CD2AP: variants seen among roughly 807,000 people sequenced by gnomAD.
CD2AP encodes the protein CD2 associated protein, also known as CD2-associated protein.
CD2AP carries 46 observed loss-of-function variants against 85.1 expected under a neutral mutation model. That is an observed-to-expected ratio of 0.54 (90% CI 0.43 to 0.69). The LOEUF is 0.69. Among genes scored for constraint, CD2AP ranks in the 30% least tolerant of loss-of-function variants. The probability of loss-of-function intolerance (pLI) is 0.00; values close to 1 mark genes in which losing one functional copy is unlikely to be tolerated. For missense variants in CD2AP, 769 were observed against 729.5 expected (o/e 1.05, Z -0.62); for synonymous variants, 255 against 252.9 (o/e 1.01, Z -0.08).
At position 47,599,166 on chromosome 6, in the gene CD2AP, C is replaced by T. The variant is rs1769034803; in HGVS notation, c.1275-135C>T. 12 of 635,860 alleles carry T rather than the reference C, an allele frequency of 1.9e-5. 1 individual carries two copies. The highest frequency in any genetic ancestry group is 2.8e-5 in the Non-Finnish European group (10 of 353,170). 39.4% of individuals were successfully genotyped at this position (635,860 alleles called of 1,614,324 possible). On this transcript the variant is annotated intron_variant, in intron 12 of 17. Coordinates refer to ENST00000359314, the MANE Select transcript of CD2AP (RefSeq NM_012120.3). ...TGATCAGCCTTAGGAGAGAGTTTTGCGTTTATGGAAATGGTTTTACAGAAC... is the reference window on the plus strand; with the variant it reads ...TGATCAGCCTTAGGAGAGAGTTTTGTGTTTATGGAAATGGTTTTACAGAAC...
chr6:47,539,936 T>C (rs1201577014), intron 3 of CD2AP, among the ~76,000 whole-genome samples: 2 of 152,048 alleles, frequency 1.3e-5, no homozygotes, highest in African/African-American at 2.4e-5. Context: ...CCCAGCACTT[T>C]AGGAGGCTGA....
Position 47,478,152 on chromosome 6 carries a change from C to A in CD2AP, c.-93C>A. 6.7e-7 allele frequency: 1 copy of A among 1,493,520 alleles called. No individual in the cohort carries two copies. 92.5% of individuals were successfully genotyped at this position (1,493,520 alleles called of 1,614,324 possible). A position where few individuals can be genotyped will look rare whatever the true frequency, so the allele number is the denominator to read the frequency against. On this transcript the variant is annotated 5_prime_UTR_variant, in exon 1 of 18. Coordinates refer to ENST00000359314, the MANE Select transcript of CD2AP (RefSeq NM_012120.3). Reference sequence around the variant, plus strand: ...GGAGGGGCTAGCGCGGAGCGCGGGTCCCGCCTCCAGCCGCGGGAGCGGCCG... The same window carrying A: ...GGAGGGGCTAGCGCGGAGCGCGGGTACCGCCTCCAGCCGCGGGAGCGGCCG...
chr6:47,512,478 A>G (rs977321672), intron 2 of CD2AP, among the ~76,000 whole-genome samples: 2 of 152,242 alleles, frequency 1.3e-5, no homozygotes, highest in African/African-American at 4.8e-5. Flanking sequence ...GAACAATGAT[A>G]GTCAAATTGG....
chr6:47,615,169 T>A (rs1769544701), intron 17 of CD2AP, among the ~76,000 whole-genome samples: 1 of 152,212 alleles, frequency 6.6e-6, no homozygotes, highest in African/African-American at 2.4e-5. Flanking sequence ...TTGGAAAACC[T>A]TGGCTCTTAT....
At chr6:47,511,700 T>TA (rs1182722278) in intron 2 of CD2AP, among the ~76,000 whole-genome samples, 1 of 152,206 alleles carries the variant, frequency 6.6e-6, no homozygotes, top group Non-Finnish European at 1.5e-5. Flanking sequence ...CAATGGATAA[T>TA]ACACAAATTA....
In CD2AP at chr6:47,626,880, G is replaced by A. The variant is rs1222519207; in HGVS notation, c.*2653G>A. ...CCTTGTTTTGCTGTAGCAATAAAAT[G>A]ACCAAGTGCAATGACTTGATTTAAT... On this transcript the variant is annotated 3_prime_UTR_variant, in exon 18 of 18. Transcript: ENST00000359314. 1 of 152,434 alleles carries A rather than the reference G, an allele frequency of 6.6e-6. No individual in the cohort carries two copies. Among genetic ancestry groups the A allele is most frequent in the East Asian group, 1.9e-4 (1 of 5,198 alleles). The allele number at this position is 152,434 out of a possible 1,614,324, so 9.4% of individuals were successfully genotyped here. A position where few individuals can be genotyped will look rare whatever the true frequency, so the allele number is the denominator to read the frequency against.
At chr6:47,610,184 C>T (rs1161969270) in intron 16 of CD2AP, among the ~76,000 whole-genome samples, 1 of 152,156 alleles carries the variant, frequency 6.6e-6, no homozygotes, top group Non-Finnish European at 1.5e-5. Flanking sequence ...ATTGACAGAG[C>T]TAGAACTCAA....
At chr6:47,616,082 C>CTTTTTTT (rs562350159) in intron 17 of CD2AP, among the ~76,000 whole-genome samples, 1,391 of 63,692 alleles carry the variant, frequency 0.022, 215 homozygotes, top group African/African-American at 0.03. Context: ...TGCGCCTGGC[C>CTTTTTTT]TTTTTTTTTT....
intron 3 of CD2AP, among the ~76,000 whole-genome samples, chr6:47,534,109 T>A (rs1014904317): frequency 2.6e-5 from 4 of 152,222 alleles, no homozygotes; most frequent in Non-Finnish European, 4.4e-5. Flanking sequence ...ATTTTGATAG[T>A]GCTTTTTCTT....
chr6:47,484,344 A>G (rs1457631637), intron 1 of CD2AP, among the ~76,000 whole-genome samples: 2 of 126,012 alleles, frequency 1.6e-5, no homozygotes, highest in African/African-American at 3.0e-5. Flanking sequence ...TAAACTTGAT[A>G]TTACCTCTTT....
At chr6:47,534,091 A>G (rs887905257) in intron 3 of CD2AP, among the ~76,000 whole-genome samples, 3 of 152,230 alleles carry the variant, frequency 2.0e-5, no homozygotes, top group Non-Finnish European at 2.9e-5. Context: ...CTTAGCATAG[A>G]TACAAGAATT....
chr6:47,609,034 AC>A, intron 15 of CD2AP, 88 bp from the exon 16 acceptor site: 1 of 1,011,248 alleles, frequency 9.9e-7, no homozygotes, highest in Non-Finnish European at 1.5e-6. Context: ...ATCTTGAAGT[AC>A]TTAATTGTTT....
Position 47,561,649 on chromosome 6 carries a change from C to T in CD2AP, c.541+6883C>T, listed in dbSNP as rs540416338. Among the ~76,000 whole-genome samples, 126 of 152,112 alleles carry T rather than the reference C, an allele frequency of 8.3e-4. 1 individual carries two copies. Among genetic ancestry groups the T allele is most frequent in the Non-Finnish European group, 1.6e-3 (109 of 68,016 alleles). On this transcript the variant is annotated intron_variant, in intron 5 of 17. Coordinates refer to ENST00000359314, the MANE Select transcript of CD2AP (RefSeq NM_012120.3). Reference sequence around the variant, plus strand: ...TGTCTTGATCATTCATCTATTTATCCATCTTTACTAGTACCTCTAATTCCA... The same window carrying T: ...TGTCTTGATCATTCATCTATTTATCTATCTTTACTAGTACCTCTAATTCCA...
chr6:47,590,289 T>A (rs1350407947), intron 11 of CD2AP, among the ~76,000 whole-genome samples: 1 of 152,094 alleles, frequency 6.6e-6, no homozygotes, highest in Non-Finnish European at 1.5e-5. Context: ...TAAGTATATA[T>A]GAATATGAGT....
At chr6:47,534,504 C>T (rs983566585) in intron 3 of CD2AP, among the ~76,000 whole-genome samples, 2 of 151,992 alleles carry the variant, frequency 1.3e-5, no homozygotes, top group African/African-American at 4.8e-5. Flanking sequence ...GTCAGGAGTT[C>T]GAGACCAGCC....
At chr6:47,612,680 C>CA (rs1482563739) in intron 17 of CD2AP, 144 bp downstream of exon 17, 4 of 654,016 alleles carry the variant, frequency 6.1e-6, no homozygotes, top group South Asian at 3.5e-5. Flanking sequence ...TATTCAGTCA[C>CA]AAAAAAAGAA....
chr6:47,494,684 G>A (rs1562002337), intron 1 of CD2AP, among the ~76,000 whole-genome samples: 1 of 152,194 alleles, frequency 6.6e-6, no homozygotes, highest in Non-Finnish European at 1.5e-5. Context: ...CCACAATAGT[G>A]TGGGGACTCC....
chr6:47,575,444 T>G (rs1768281555), intron 6 of CD2AP, among the ~76,000 whole-genome samples: 1 of 152,204 alleles, frequency 6.6e-6, no homozygotes, highest in Non-Finnish European at 1.5e-5. Context: ...GTGACTGTAG[T>G]CTCAGGGTTA....
intron 17 of CD2AP, among the ~76,000 whole-genome samples, chr6:47,612,926 C>T (rs1300759091): frequency 1.3e-5 from 2 of 152,134 alleles, no homozygotes; most frequent in Non-Finnish European, 2.9e-5. Flanking sequence ...CTCTTAAACC[C>T]TGCCTCTGCT....
Sources: allele counts gnomAD v4.1 joint callset (sites outside exome capture counted in the v4.1 genomes callset), GRCh38; gene constraint gnomAD v4.1.1; transcripts MANE v1.5; gene names NCBI Gene and HGNC (gene_info 2026-07-23, HGNC 2026-07-21).